The following TNFRSF8 variants were observed in gnomAD, a reference collection of about 807,000 sequenced individuals.
TNFRSF8 encodes the protein tumor necrosis factor receptor superfamily member 8.
In TNFRSF8, 26 loss-of-function variants were observed where a neutral mutation model predicts 70.8. The observed-to-expected ratio is 0.37, with a 90% CI of 0.27 to 0.51. TNFRSF8 has a LOEUF of 0.51. TNFRSF8 is among the 20% of genes least tolerant of loss of function. The pLI is 0.94. For synonymous variants in TNFRSF8, 356 were observed against 339.2 expected (o/e 1.05, Z -0.54); for missense variants, 720 against 807.9 (o/e 0.89, Z 1.32).
Position 12,110,312 on chromosome 1 carries a change from C to G in TNFRSF8, c.676+108C>G. The G allele has an allele frequency of 8.4e-7, 1 of 1,189,118 alleles. No individual in the cohort carries two copies. The highest frequency in any genetic ancestry group is 1.1e-6 in the Non-Finnish European group (1 of 874,174). 73.7% of individuals were successfully genotyped at this position (1,189,118 alleles called of 1,614,324 possible). On this transcript the variant is annotated intron_variant, in intron 6 of 14. Transcript: ENST00000263932. The surrounding 1 kb of genome is among the most constrained non-coding windows in gnomAD (Gnocchi z 4.0). ...GCGGGCAGTGATCTGTGGTCTTTTC[C>G]TGGTGGGGAGAGAAGACGGTGGTAA... is the stretch of plus-strand genomic sequence containing the variant.
intron 12 of TNFRSF8, among the ~76,000 whole-genome samples, chr1:12,127,601 A>G (rs1641965462): frequency 6.6e-6 from 1 of 152,238 alleles, no homozygotes; most frequent in Non-Finnish European, 1.5e-5. Flanking sequence ...ACTTGGGCAC[A>G]AAAACACAGT....
intron 13 of TNFRSF8, among the ~76,000 whole-genome samples, chr1:12,136,225 T>C (rs757673854): frequency 6.6e-6 from 1 of 152,184 alleles, no homozygotes; most frequent in Non-Finnish European, 1.5e-5. Context: ...CACATTCGAA[T>C]ATGCTTGGAT....
intron 13 of TNFRSF8, 121 bp downstream of exon 13, chr1:12,135,734 T>G: frequency 8.2e-6 from 11 of 1,334,910 alleles, no homozygotes; most frequent in Non-Finnish European, 1.0e-5. Context: ...GGACTGGCCA[T>G]TCCCCTCCCA....
intron 2 of TNFRSF8, among the ~76,000 whole-genome samples, chr1:12,094,173 C>G (rs896331760): frequency 6.6e-6 from 1 of 151,900 alleles, no homozygotes; most frequent in Admixed American, 6.6e-5. Flanking sequence ...AATTTAGACA[C>G]TGTGAAGATT....
At chr1:12,067,470 C>T (rs1640761927) in intron 1 of TNFRSF8, among the ~76,000 whole-genome samples, 3 of 152,174 alleles carry the variant, frequency 2.0e-5, no homozygotes, top group African/African-American at 7.2e-5. Flanking sequence ...AGGCAGATTA[C>T]TTGAGGCCAG....
At chr1:12,135,000 G>A (rs962462950) in intron 12 of TNFRSF8, among the ~76,000 whole-genome samples, 1 of 152,064 alleles carries the variant, frequency 6.6e-6, no homozygotes, top group African/African-American at 2.4e-5. Flanking sequence ...GGTTCAGTGT[G>A]TTCATTGGTT....
rs199941905 is a variant in TNFRSF8 at position 12,108,074 on chromosome 1, A to ATTTTTTTTTTTTTTTT, written c.422-1485_422-1484insTTTTTTTTTTTTTTTT. Among the ~76,000 whole-genome samples, 283 of 146,122 alleles carry ATTTTTTTTTTTTTTTT rather than the reference A, an allele frequency of 1.9e-3. 10 individuals carry two copies. Among genetic ancestry groups the ATTTTTTTTTTTTTTTT allele is most frequent in the Non-Finnish European group, 3.4e-3 (224 of 66,366 alleles). On this transcript the variant is annotated intron_variant, in intron 4 of 14. Transcript: ENST00000263932. This position sits in a 1 kb window ranked among gnomAD's most constrained non-coding sequence, Gnocchi z 4.0. ...CGAAGTCCCACACATACAGGCCACC[A>ATTTTTTTTTTTTTTTT]TTTTTTTATTTTTTTTTTTTTTGTG...
intron 1 of TNFRSF8, among the ~76,000 whole-genome samples, chr1:12,066,134 C>T (rs1326375236): frequency 1.3e-5 from 2 of 152,062 alleles, no homozygotes; most frequent in Admixed American, 6.6e-5. Flanking sequence ...TTGCATTTCT[C>T]GCCTACCGGG....
In TNFRSF8 at chr1:12,121,961, A is replaced by G. The variant is rs964083513; in HGVS notation, c.947-1323A>G. On this transcript the variant is annotated intron_variant, in intron 8 of 14. Transcript: ENST00000263932. ...GCAGAGTGGAAGAAGCCAGACCCCA[A>G]AGAGTACATACTGCATGATTCTGTC... 4.6e-5 allele frequency among the ~76,000 whole-genome samples: 7 copies of G among 152,314 alleles called. No individual in the cohort carries two copies. The East Asian group carries it at 1.4e-3, about 29-fold the overall frequency.
intron 3 of TNFRSF8, among the ~76,000 whole-genome samples, 178 bp downstream of exon 3, chr1:12,097,395 T>C (rs911658240): frequency 1.3e-5 from 2 of 152,136 alleles, no homozygotes; most frequent in Non-Finnish European, 2.9e-5. Context: ...GCCATGACCT[T>C]TTGCATCCAT....
intron 11 of TNFRSF8, 30 bp from the exon 12 acceptor site, chr1:12,126,153 C>G: frequency 6.2e-7 from 1 of 1,613,972 alleles, no homozygotes; most frequent in Non-Finnish European, 8.5e-7. Flanking sequence ...GAGGCCGCCA[C>G]CCCCAGCCTT....
At chr1:12,123,954 C>T in intron 10 of TNFRSF8, 127 bp downstream of exon 10, 1 of 769,702 alleles carries the variant, frequency 1.3e-6, no homozygotes, top group Non-Finnish European at 2.0e-6. Context: ...TTAAGGTTGA[C>T]CCCAGGTTTC....
At position 12,109,805 on chromosome 1, in the gene TNFRSF8, C is replaced by A; in HGVS notation, c.512+149C>A. The A allele has an allele frequency of 1.2e-6, 1 of 826,778 alleles. No homozygotes were observed. The highest frequency in any genetic ancestry group is 1.9e-6 in the Non-Finnish European group (1 of 521,252). The allele number at this position is 826,778 out of a possible 1,614,324, so 51.2% of individuals were successfully genotyped here. On this transcript the variant is annotated intron_variant, in intron 5 of 14. Transcript: ENST00000263932. This position sits in a 1 kb window ranked among gnomAD's most constrained non-coding sequence, Gnocchi z 4.4. ...TCAGCACTTTGGGGTGCCTCTCTGC[C>A]AAGCCCCTCAGATCATTTGAGGCCC...
In TNFRSF8 at chr1:12,119,886, A is replaced by C. The variant is rs1431217331; in HGVS notation, c.947-3398A>C. Among the ~76,000 whole-genome samples the C allele has an allele frequency of 6.6e-6, 1 of 152,178 alleles. No individual in the cohort carries two copies. The highest frequency in any genetic ancestry group is 1.5e-5 in the Non-Finnish European group (1 of 68,028). ...TCAGAATGTTTTTGAGGACTAGTCA[A>C]AGCTGGATACCTCTGGTCTGATACA... On this transcript the variant is annotated intron_variant, in intron 8 of 14. Coordinates refer to ENST00000263932, the MANE Select transcript of TNFRSF8 (RefSeq NM_001243.5). This position sits in a 1 kb window ranked among gnomAD's most constrained non-coding sequence, Gnocchi z 4.4.
chr1:12,121,815 T>A (rs1240000287), intron 8 of TNFRSF8, among the ~76,000 whole-genome samples: 2 of 152,220 alleles, frequency 1.3e-5, no homozygotes, highest in East Asian at 3.8e-4. Flanking sequence ...TAGTTCAAAC[T>A]GGAAACAACC....
intron 12 of TNFRSF8, among the ~76,000 whole-genome samples, chr1:12,128,205 G>A (rs577394087): frequency 2.2e-4 from 33 of 152,334 alleles, no homozygotes; most frequent in South Asian, 1.0e-3. Flanking sequence ...GCTCTGTGCC[G>A]GGCCCAGAAG....
chr1:12,095,035 G>T lies in TNFRSF8; in HGVS notation c.152-2066G>T, dbSNP rs540339454. On this transcript the variant is annotated intron_variant, in intron 2 of 14. Transcript: ENST00000263932. ...TTCACAGGGTTCATGAACCTGAATGGATTCAATTATTTTAATTAGCTTCTA... is the reference window on the plus strand; with the variant it reads ...TTCACAGGGTTCATGAACCTGAATGTATTCAATTATTTTAATTAGCTTCTA... Among the ~76,000 whole-genome samples the T allele has an allele frequency of 5.5e-4, 84 of 152,236 alleles. 1 individual carries two copies. Among genetic ancestry groups the T allele is most frequent in the African/African-American group, 1.9e-3 (80 of 41,524 alleles).
rs1641594618 is a variant in TNFRSF8 at position 12,109,734 on chromosome 1, A to G, written c.512+78A>G. 7.9e-7 allele frequency: 1 copy of G among 1,273,778 alleles called. No individual in the cohort carries two copies. The allele number at this position is 1,273,778 out of a possible 1,614,324, so 78.9% of individuals were successfully genotyped here. A position where few individuals can be genotyped will look rare whatever the true frequency, so the allele number is the denominator to read the frequency against. On this transcript the variant is annotated intron_variant, in intron 5 of 14. Transcript: ENST00000263932. This position sits in a 1 kb window ranked among gnomAD's most constrained non-coding sequence, Gnocchi z 4.4. ...GGCTGCCCCACCCCACAGGACGCCC[A>G]TGGTACAACTGGGCTGGGGGTGTAA...
chr1:12,109,754 G>A lies in TNFRSF8; in HGVS notation c.512+98G>A. On this transcript the variant is annotated intron_variant, in intron 5 of 14. Coordinates refer to ENST00000263932, the MANE Select transcript of TNFRSF8 (RefSeq NM_001243.5). The surrounding 1 kb of genome is among the most constrained non-coding windows in gnomAD (Gnocchi z 4.4). ...CGCCCATGGTACAACTGGGCTGGGG[G>A]TGTAAGCGGGATTCAGCCCATGGTG... The A allele has an allele frequency of 9.2e-7, 1 of 1,084,538 alleles. No homozygotes were observed. Among genetic ancestry groups the A allele is most frequent in the Non-Finnish European group, 1.4e-6 (1 of 729,124 alleles). The allele number at this position is 1,084,538 out of a possible 1,614,324, so 67.2% of individuals were successfully genotyped here.
Sources: gnomAD v4.1 joint callset for allele counts (sites outside exome capture counted in the v4.1 genomes callset) on GRCh38, gnomAD v4.1.1 for gene constraint, Gnocchi (gnomAD v3.1) non-coding constraint, MANE v1.5 for transcripts, NCBI Gene and HGNC (gene_info 2026-07-23, HGNC 2026-07-21) for gene names.